SLC9A7: variants seen among roughly 807,000 people sequenced by gnomAD.
The protein encoded by SLC9A7 is solute carrier family 9 member A7, also known as sodium/hydrogen exchanger 7.
In SLC9A7, 19 loss-of-function variants were observed where a neutral mutation model predicts 52.6. That is an observed-to-expected ratio of 0.36 (90% confidence interval 0.25 to 0.53). SLC9A7 has a LOEUF of 0.53. SLC9A7 is among the 20% of genes least tolerant of loss of function. SLC9A7 has a pLI of 0.91. For missense variants in SLC9A7, 455 were observed against 597.9 expected, an observed-to-expected ratio of 0.76 and a Z score of 2.49; for synonymous variants, 226 against 252.1, an observed-to-expected ratio of 0.90 and a Z score of 0.98.
At chrX:46,756,358 T>A (rs1242344538) in intron 1 of SLC9A7, among the ~76,000 whole-genome samples, 3 of 112,506 alleles carry the variant, frequency 2.7e-5, no homozygotes, top group Non-Finnish European at 5.6e-5. Context: ...AAATCTTTAC[T>A]GGATTTACTT....
intron 1 of SLC9A7, among the ~76,000 whole-genome samples, chrX:46,684,158 A>T (rs1344596702): frequency 1.8e-5 from 2 of 112,198 alleles, no homozygotes; most frequent in Non-Finnish European, 3.8e-5. Context: ...GATACGAAAC[A>T]ATTTGAAAAC....
chrX:46,660,171 A>T (rs1303526179), intron 7 of SLC9A7, among the ~76,000 whole-genome samples: 5 of 109,697 alleles, frequency 4.6e-5, no homozygotes, highest in African/African-American at 1.7e-4. Flanking sequence ...AGCCATATGT[A>T]GAAAGCTGAA....
chrX:46,620,190 G>A (rs1420055418), intron 15 of SLC9A7, among the ~76,000 whole-genome samples: 3 of 111,427 alleles, frequency 2.7e-5, no homozygotes, highest in African/African-American at 9.8e-5. Flanking sequence ...GGAGGCTGAG[G>A]TGGGCAGATT....
intron 15 of SLC9A7, among the ~76,000 whole-genome samples, chrX:46,620,650 T>C (rs1258811129): frequency 9.0e-6 from 1 of 111,527 alleles, no homozygotes. Flanking sequence ...CTTCCTTTTC[T>C]GACCACAGCA....
At chrX:46,654,639 G>A (rs1298647361) in intron 7 of SLC9A7, among the ~76,000 whole-genome samples, 41 of 110,331 alleles carry the variant, frequency 3.7e-4, no homozygotes, top group Middle Eastern at 4.6e-3. Flanking sequence ...GTGCACCACC[G>A]AGGCCACCTG....
intron 1 of SLC9A7, among the ~76,000 whole-genome samples, chrX:46,718,149 C>T (rs945686357): frequency 9.0e-6 from 1 of 111,413 alleles, no homozygotes; most frequent in South Asian, 3.8e-4. Context: ...ACCACACATA[C>T]ACAACCATCT....
intron 15 of SLC9A7, 126 bp downstream of exon 15, chrX:46,620,851 G>A: frequency 6.3e-6 from 3 of 479,359 alleles, no homozygotes; most frequent in Admixed American, 3.3e-5. Flanking sequence ...CGTTCCATAA[G>A]AGGATGGGCT....
intron 1 of SLC9A7, among the ~76,000 whole-genome samples, chrX:46,753,470 T>C (rs1055445624): frequency 8.0e-5 from 9 of 112,131 alleles, no homozygotes; most frequent in Non-Finnish European, 1.7e-4. Context: ...CACAACATTA[T>C]GTGTGGACAG....
chrX:46,755,554 G>T (rs999742216), intron 1 of SLC9A7, among the ~76,000 whole-genome samples: 1 of 111,145 alleles, frequency 9.0e-6, no homozygotes, highest in African/African-American at 3.3e-5. Flanking sequence ...ATTACAGCCG[G>T]GTGCGGTGGC....
intron 1 of SLC9A7, among the ~76,000 whole-genome samples, chrX:46,728,177 C>T (rs1849173613): frequency 9.0e-6 from 1 of 111,619 alleles, no homozygotes; most frequent in Admixed American, 9.6e-5. Context: ...TTGTCAAAAA[C>T]TTAAAATTTC....
intron 1 of SLC9A7, among the ~76,000 whole-genome samples, chrX:46,737,938 G>C (rs748459715): frequency 9.3e-6 from 1 of 108,080 alleles, no homozygotes; most frequent in East Asian, 2.9e-4. Flanking sequence ...GAGGTGGGAG[G>C]ATCACTTGAG....
intron 14 of SLC9A7, among the ~76,000 whole-genome samples, chrX:46,631,117 C>G (rs761887193): frequency 8.9e-6 from 1 of 112,481 alleles, no homozygotes; most frequent in Non-Finnish European, 1.9e-5. Context: ...AAAGGCAAGC[C>G]GTCCCTGCTA....
chrX:46,632,989 AT>A (rs1226174545), intron 13 of SLC9A7, among the ~76,000 whole-genome samples: 43 of 105,626 alleles, frequency 4.1e-4, no homozygotes, highest in East Asian at 5.9e-4. Flanking sequence ...GCATCTGGCA[AT>A]TTTTTTTTTT....
chrX:46,620,339 T>G (rs1252258491), intron 15 of SLC9A7, among the ~76,000 whole-genome samples: 4 of 111,447 alleles, frequency 3.6e-5, no homozygotes, highest in Non-Finnish European at 7.5e-5. Context: ...GGAGATTGCT[T>G]GAGCCTGGGA....
At chrX:46,637,212 G>C (rs1371927143) in intron 12 of SLC9A7, among the ~76,000 whole-genome samples, 1 of 111,792 alleles carries the variant, frequency 8.9e-6, no homozygotes. Context: ...GAAACTGAGG[G>C]ATACAGGTGA....
At chrX:46,695,719 T>C (rs965097260) in intron 1 of SLC9A7, among the ~76,000 whole-genome samples, 1 of 110,370 alleles carries the variant, frequency 9.1e-6, no homozygotes, top group Admixed American at 9.8e-5. Context: ...GTCAGCTCCA[T>C]GGAAGGTGGG....
chrX:46,627,697 T>C (rs1943152604), intron 14 of SLC9A7, among the ~76,000 whole-genome samples: 1 of 108,783 alleles, frequency 9.2e-6, no homozygotes, highest in Non-Finnish European at 1.9e-5. Flanking sequence ...ACTCTGAGTT[T>C]TTAGAAAACA....
intron 1 of SLC9A7, among the ~76,000 whole-genome samples, chrX:46,751,846 C>T (rs1249077014): frequency 1.8e-5 from 2 of 111,570 alleles, no homozygotes; most frequent in Non-Finnish European, 3.8e-5. Flanking sequence ...ATTCTCAAGT[C>T]ACGTAAGCCT....
chrX:46,651,848 GAAAAAGAAA>G (rs59372128), intron 8 of SLC9A7, among the ~76,000 whole-genome samples: 14,578 of 100,936 alleles, frequency 0.14, 1,026 homozygotes, highest in East Asian at 0.31. Flanking sequence ...AAAAAAAAAA[GAAAAAGAAA>G]AAAAAGAAAA....
Sources: gnomAD v4.1 joint callset for allele counts (sites outside exome capture counted in the v4.1 genomes callset) on GRCh38, gnomAD v4.1.1 for gene constraint, MANE v1.5 for transcripts, NCBI Gene and HGNC (gene_info 2026-07-23, HGNC 2026-07-21) for gene names.